Variants in UBXN4 observed in about 807,000 individuals in gnomAD.
UBXN4 encodes UBX domain-containing protein 4.
In UBXN4, 35 loss-of-function variants were observed where a neutral mutation model predicts 66.2. The observed-to-expected ratio is 0.53, with a 90% CI of 0.40 to 0.70. The LOEUF (loss-of-function observed/expected upper bound fraction) is 0.70. Ranked by LOEUF, UBXN4 falls within the 30% of genes least tolerant of loss-of-function variation. UBXN4 has a pLI of 0.00. For synonymous variants in UBXN4, 203 were observed against 204.5 expected (o/e 0.99, Z 0.06); for missense variants, 533 against 599.8 (o/e 0.89, Z 1.16).
chr2:135,779,535 G>T (rs551034242), intron 11 of UBXN4, among the ~76,000 whole-genome samples: 1 of 152,248 alleles, frequency 6.6e-6, no homozygotes, highest in South Asian at 2.1e-4. Context: ...CCGTAACTGG[G>T]ATGAGAGCCT....
chr2:135,745,654 G>A (rs534054021), intron 1 of UBXN4, among the ~76,000 whole-genome samples: 55 of 152,188 alleles, frequency 3.6e-4, no homozygotes, highest in Admixed American at 6.5e-4. Context: ...AGAAGGGTTC[G>A]TAGTAAGAAT....
chr2:135,754,328 A>AT (rs76768246), intron 4 of UBXN4, 51 bp downstream of exon 4: 148,240 of 1,192,128 alleles, frequency 0.12, 3,794 homozygotes, highest in Middle Eastern at 0.32. Flanking sequence ...CAGGAATTGG[A>AT]TTTTTTTTTT....
chr2:135,773,472 T>C (rs777530845), intron 9 of UBXN4, among the ~76,000 whole-genome samples: 17 of 152,192 alleles, frequency 1.1e-4, no homozygotes, highest in Admixed American at 6.5e-4. Flanking sequence ...TGCCCCTGTT[T>C]GGATCATGTG....
At chr2:135,770,948 ATTTATGAC>A (rs2105505158) in intron 8 of UBXN4, among the ~76,000 whole-genome samples, 1 of 152,244 alleles carries the variant, frequency 6.6e-6, no homozygotes, top group South Asian at 2.1e-4. Context: ...TATTTTGTTA[ATTTATGAC>A]TTTTATCAGC....
intron 5 of UBXN4, among the ~76,000 whole-genome samples, chr2:135,759,766 A>ATTTT (rs10660396): frequency 0.043 from 4,050 of 93,306 alleles, 83 homozygotes; most frequent in Non-Finnish European, 0.067. Flanking sequence ...TCAATCCAGA[A>ATTTT]TTTTTTTTTT....
At chr2:135,779,737 C>G (rs948594271) in intron 11 of UBXN4, among the ~76,000 whole-genome samples, 13 of 150,834 alleles carry the variant, frequency 8.6e-5, no homozygotes, top group African/African-American at 3.2e-4. Flanking sequence ...CTGAGAACTA[C>G]TTTCTAGTTT....
intron 12 of UBXN4, among the ~76,000 whole-genome samples, chr2:135,780,975 A>T (rs983103467): frequency 2.3e-4 from 35 of 152,382 alleles, no homozygotes; most frequent in African/African-American, 7.9e-4. Context: ...CTGTAATCCC[A>T]GCACTTTGGG....
In UBXN4 at chr2:135,784,835, T is replaced by A. The variant is rs2077473027; in HGVS notation, c.*1948T>A. ...GCTTCGTAATTTTGGAGTAGGAGGT[T>A]CCCTCCTCAATTTTGTATTTTTAAA... is the stretch of plus-strand genomic sequence containing the variant. On this transcript the variant is annotated 3_prime_UTR_variant, in exon 13 of 13. Transcript: ENST00000272638. 7.8e-6 allele frequency: 1 copy of A among 127,484 alleles called. No homozygotes were observed. The highest frequency in any genetic ancestry group is 3.0e-5 in the African/African-American group (1 of 33,208). The allele number at this position is 127,484 out of a possible 1,614,324, so 7.9% of individuals were successfully genotyped here.
At chr2:135,778,301 A>T (rs935537922) in intron 10 of UBXN4, among the ~76,000 whole-genome samples, 8 of 152,014 alleles carry the variant, frequency 5.3e-5, no homozygotes, top group East Asian at 3.8e-4. Flanking sequence ...AAAAAAAAAA[A>T]ATACGAAAAA....
intron 6 of UBXN4, among the ~76,000 whole-genome samples, chr2:135,766,162 A>G (rs1480837728): frequency 1.3e-5 from 2 of 152,168 alleles, no homozygotes; most frequent in African/African-American, 4.8e-5. Flanking sequence ...TCAAAAAAAA[A>G]AAAAAGTCGA....
At chr2:135,748,234 G>C in intron 1 of UBXN4, 33 bp from the exon 2 acceptor site, 1 of 1,499,558 alleles carries the variant, frequency 6.7e-7, no homozygotes, top group South Asian at 1.4e-5. Context: ...GCAGATCCCA[G>C]CCTGGTATAA....
chr2:135,750,897 C>T (rs1201743520), intron 2 of UBXN4, among the ~76,000 whole-genome samples: 3 of 120,012 alleles, frequency 2.5e-5, no homozygotes, highest in African/African-American at 9.7e-5. Context: ...GCTCTGTCGC[C>T]CAGGCTGGAG....
intron 1 of UBXN4, among the ~76,000 whole-genome samples, chr2:135,747,283 G>A (rs952149827): frequency 5.0e-5 from 7 of 141,394 alleles, no homozygotes; most frequent in Admixed American, 7.8e-5. Flanking sequence ...GGGAGGCAGA[G>A]ATTGCAATGA....
intron 5 of UBXN4, among the ~76,000 whole-genome samples, chr2:135,757,944 T>G (rs1330824057): frequency 1.3e-5 from 2 of 152,064 alleles, no homozygotes; most frequent in Non-Finnish European, 2.9e-5. Flanking sequence ...AGGGTCTGGC[T>G]CTGTCACCCA....
rs2077457968 is a variant in UBXN4, at chr2:135,782,791, C to T, written c.1431C>T (p.Asp477=). ...RKRVLEKRGD[D]FKKEGKIYRL... Reference sequence around the variant, plus strand: ...GAGTGCTGGAAAAACGTGGAGACGACTTTAAAAAGGAGGGGAAAATTTATA... The same window carrying T: ...GAGTGCTGGAAAAACGTGGAGACGATTTTAAAAAGGAGGGGAAAATTTATA... The change falls in exon 13 of 13, where the codon GAC becomes GAT. Residue 477 remains aspartate (D), a synonymous_variant. Transcript: ENST00000272638. The T allele has an allele frequency of 6.2e-7, 1 of 1,613,574 alleles. No individual in the cohort carries two copies. Among genetic ancestry groups the T allele is most frequent in the Non-Finnish European group, 8.5e-7 (1 of 1,179,872 alleles).
chr2:135,755,668 A>G lies in UBXN4; in HGVS notation c.485A>G (p.Asp162Gly). 6.4e-7 allele frequency: 1 copy of G among 1,566,944 alleles called. No individual in the cohort carries two copies. The highest frequency in any genetic ancestry group is 8.7e-7 in the Non-Finnish European group (1 of 1,155,560). ...AELCEIPPTS[D>G]TKSDTATGGE... Reference sequence around the variant, plus strand: ...CTTTGTGAGATACCACCCACTTCTGATACAAAGTCAGATACTGCAACAGGT... The same window carrying G: ...CTTTGTGAGATACCACCCACTTCTGGTACAAAGTCAGATACTGCAACAGGT... Residue 162 changes from aspartate (D) to glycine (G), a missense_variant, in exon 5 of 13, where the codon GAT (aspartate) becomes GGT (glycine). Physicochemically the swap from Asp to Gly is moderately conservative, Grantham distance 94. Around this residue, in one of 2 missense-constraint regions of UBXN4, gnomAD observed 529 missense variants for 580.1 expected, o/e 0.91. Coordinates refer to ENST00000272638, the MANE Select transcript of UBXN4 (RefSeq NM_014607.4).
intron 3 of UBXN4, 35 bp from the exon 4 acceptor site, chr2:135,754,124 T>TCA: frequency 6.8e-7 from 1 of 1,464,558 alleles, no homozygotes; most frequent in South Asian, 1.2e-5. Context: ...TCCTTTCGTT[T>TCA]CACATGAATT....
intron 12 of UBXN4, among the ~76,000 whole-genome samples, chr2:135,782,249 T>G (rs1451794622): frequency 1.3e-5 from 2 of 152,224 alleles, no homozygotes; most frequent in African/African-American, 4.8e-5. Flanking sequence ...AATTTTATCC[T>G]TATACCTTTG....
At chr2:135,764,606 G>A (rs959617737) in intron 6 of UBXN4, among the ~76,000 whole-genome samples, 2 of 151,994 alleles carry the variant, frequency 1.3e-5, no homozygotes, top group Admixed American at 1.3e-4. Flanking sequence ...GGGTTCCAGC[G>A]ATTCTCCTGC....
Sources: gnomAD v4.1 joint callset for allele counts (sites outside exome capture counted in the v4.1 genomes callset) on GRCh38, gnomAD v4.1.1 for gene constraint, gnomAD v4.1.1 regional missense constraint, MANE v1.5 for transcripts, NCBI Gene and HGNC (gene_info 2026-07-23, HGNC 2026-07-21) for gene names.